The following FBP2 variants were observed in gnomAD, a reference collection of about 807,000 sequenced individuals.
FBP2 encodes fructose-1,6-bisphosphatase isozyme 2.
A neutral mutation model predicts 31.6 loss-of-function variants in FBP2; 27 were observed. That is an observed-to-expected ratio of 0.85 (90% confidence interval 0.63 to 1.18). The LOEUF is 1.18. Among genes scored for constraint, FBP2 ranks in the 50% most tolerant of loss-of-function variants. The probability of loss-of-function intolerance (pLI) is 0.00; values close to 1 mark genes in which losing one functional copy is unlikely to be tolerated. For synonymous variants in FBP2, 168 were observed against 179.8 expected (o/e 0.93, Z 0.53); for missense variants, 421 against 436.1 (o/e 0.97, Z 0.31).
intron 1 of FBP2, among the ~76,000 whole-genome samples, chr9:94,588,799 C>T (rs1434517063): frequency 1.3e-5 from 2 of 152,156 alleles, no homozygotes; most frequent in East Asian, 1.9e-4. Context: ...CAGGCACCAC[C>T]GTGGAATCTC....
intron 1 of FBP2, among the ~76,000 whole-genome samples, chr9:94,588,054 T>C (rs1827448733): frequency 6.6e-6 from 1 of 151,850 alleles, no homozygotes; most frequent in African/African-American, 2.4e-5. Flanking sequence ...GGTTTCACCA[T>C]GTTAGCCAGG....
At chr9:94,559,503 G>A (rs149672830) in intron 6 of FBP2, among the ~76,000 whole-genome samples, 1,521 of 150,314 alleles carry the variant, frequency 0.01, 8 homozygotes, top group Non-Finnish European at 0.016. Context: ...CTTTATATGT[G>A]AGACCTCAAG....
At chr9:94,562,509 T>C (rs948127779) in intron 6 of FBP2, among the ~76,000 whole-genome samples, 3 of 152,162 alleles carry the variant, frequency 2.0e-5, no homozygotes, top group Non-Finnish European at 4.4e-5. Flanking sequence ...AAAATCTCTC[T>C]GGCTTCATGT....
At chr9:94,588,514 T>G (rs1208250670) in intron 1 of FBP2, among the ~76,000 whole-genome samples, 2 of 152,086 alleles carry the variant, frequency 1.3e-5, no homozygotes, top group Non-Finnish European at 2.9e-5. Flanking sequence ...TCCCAGCTAC[T>G]TTGGAGGCTG....
At chr9:94,581,050 C>T (rs1237779779) in intron 3 of FBP2, among the ~76,000 whole-genome samples, 1 of 152,186 alleles carries the variant, frequency 6.6e-6, no homozygotes, top group African/African-American at 2.4e-5. Flanking sequence ...ATGATTTATT[C>T]TATGCCTTAA....
At chr9:94,592,164 C>T (rs1827510745) in intron 1 of FBP2, among the ~76,000 whole-genome samples, 1 of 152,206 alleles carries the variant, frequency 6.6e-6, no homozygotes, top group South Asian at 2.1e-4. Context: ...CCTGCCCTCA[C>T]ATTCTGGAAG....
chr9:94,587,856 CT>C (rs113338102), intron 1 of FBP2, among the ~76,000 whole-genome samples: 38 of 149,058 alleles, frequency 2.5e-4, no homozygotes, highest in Middle Eastern at 3.5e-3. Flanking sequence ...TTCTTTTTTC[CT>C]TTTTTTTTTG....
intron 5 of FBP2, among the ~76,000 whole-genome samples, chr9:94,565,781 TAGATA>T (rs1827179516): frequency 2.1e-5 from 3 of 140,394 alleles, no homozygotes; most frequent in African/African-American, 8.4e-5. Context: ...GATAGATAGA[TAGATA>T]GATGATAGAT....
At chr9:94,583,311 A>G (rs1051360257) in intron 3 of FBP2, among the ~76,000 whole-genome samples, 4 of 152,192 alleles carry the variant, frequency 2.6e-5, no homozygotes, top group Non-Finnish European at 5.9e-5. Context: ...AGACACAGAA[A>G]AGCAAACTGC....
chr9:94,567,354 T>C lies in FBP2; in HGVS notation c.621A>G (p.Gly207=). The C allele has an allele frequency of 6.2e-7, 1 of 1,614,176 alleles. No homozygotes were observed. The highest frequency in any genetic ancestry group is 8.5e-7 in the Non-Finnish European group (1 of 1,180,026). ...AGCCCTCATTCAGGCTGTAAATCTTTCCTTTCTTCTTAATCTTGACATCTT... is the reference window on the plus strand; with the variant it reads ...AGCCCTCATTCAGGCTGTAAATCTTCCCTTTCTTCTTAATCTTGACATCTT... ...VEKDVKIKKK[G]KIYSLNEGYA... Residue 207 remains glycine, a synonymous_variant, in exon 5 of 7, where the codon GGA becomes GGG. Transcript: ENST00000375337.
rs1218138508 is a variant in FBP2, at chr9:94,577,824, T to G, written c.427-6222A>C. 4.6e-5 allele frequency: 7 copies of G among 152,260 alleles called. No individual in the cohort carries two copies. In the East Asian group the frequency reaches 1.2e-3, roughly 25 times the overall value. 9.4% of individuals were successfully genotyped at this position (152,260 alleles called of 1,614,324 possible). On this transcript the variant is annotated intron_variant, in intron 3 of 6. Transcript: ENST00000375337. ...TGAGTTTGTGATGCTATCTCATGAT[T>G]AGAGTTCTCAGATAAAAGCTCTTAG...
At position 94,593,535 on chromosome 9, in the gene FBP2, A is replaced by G. The variant is rs749092184; in HGVS notation, c.170+22T>C. The stretch of plus-strand genomic sequence containing the variant: ...CTGGGCCTGGGGTGCTCTGTGCCCC[A>G]TGCCTGCTCCCCAGGACTCACAGGT... On this transcript the variant is annotated intron_variant, in intron 1 of 6. Transcript: ENST00000375337. 10 of 1,606,350 alleles carry G rather than the reference A, an allele frequency of 6.2e-6. No homozygotes were observed. The South Asian group carries it at 1.0e-4, about 16-fold the overall frequency.
At chr9:94,589,475 G>A (rs1827466840) in intron 1 of FBP2, among the ~76,000 whole-genome samples, 1 of 152,206 alleles carries the variant, frequency 6.6e-6, no homozygotes, top group Admixed American at 6.5e-5. Context: ...CCTGCTTGCA[G>A]AGGGCAGGAT....
At chr9:94,571,001 A>C (rs1336083225) in intron 4 of FBP2, 1 of 153,184 alleles carries the variant, frequency 6.5e-6, no homozygotes, top group South Asian at 2.1e-4. Context: ...ATATTATCTG[A>C]GTTTTCACAA....
rs1489739807 is a variant in FBP2, at chr9:94,558,858, A to G, written c.*80T>C. 33 of 1,317,074 alleles carry G rather than the reference A, an allele frequency of 2.5e-5. No homozygotes were observed. Among genetic ancestry groups the G allele is most frequent in the Non-Finnish European group, 2.8e-5 (26 of 917,822 alleles). 81.6% of individuals were successfully genotyped at this position (1,317,074 alleles called of 1,614,324 possible). On this transcript the variant is annotated 3_prime_UTR_variant, in exon 7 of 7. Transcript: ENST00000375337. ...ATTTACCTTTTGTATACTCATAGCT[A>G]CCATCTCTGTTTATCGTTCATTTAG...
chr9:94,582,033 A>G (rs2131456669), intron 3 of FBP2, among the ~76,000 whole-genome samples: 1 of 152,316 alleles, frequency 6.6e-6, no homozygotes, highest in South Asian at 2.1e-4. Flanking sequence ...CCTTAAGATC[A>G]GCTGACTAAC....
intron 6 of FBP2, among the ~76,000 whole-genome samples, chr9:94,560,354 G>A (rs1176931876): frequency 6.6e-6 from 1 of 152,152 alleles, no homozygotes; most frequent in Non-Finnish European, 1.5e-5. Context: ...AAATGAATGG[G>A]GTTGGATTGA....
At chr9:94,561,059 C>T (rs1244294137) in intron 6 of FBP2, among the ~76,000 whole-genome samples, 2 of 152,086 alleles carry the variant, frequency 1.3e-5, no homozygotes, top group Non-Finnish European at 2.9e-5. Flanking sequence ...CTGTCCAGGA[C>T]AGTCTAGCCA....
intron 4 of FBP2, chr9:94,568,387 C>T (rs940325912): frequency 2.0e-5 from 3 of 152,188 alleles, no homozygotes; most frequent in Non-Finnish European, 4.4e-5. Context: ...CTCTCAAATA[C>T]CCCTATGTCT....
Sources: allele counts gnomAD v4.1 joint callset (sites outside exome capture counted in the v4.1 genomes callset), GRCh38; gene constraint gnomAD v4.1.1; transcripts MANE v1.5; gene names NCBI Gene and HGNC (gene_info 2026-07-23, HGNC 2026-07-21).